The following LARS1 variants were observed in gnomAD, a reference collection of about 807,000 sequenced individuals.
The protein encoded by LARS1 is leucyl-tRNA synthetase 1, also known as leucine--tRNA ligase, cytoplasmic.
In LARS1, 100 loss-of-function variants were observed where a neutral mutation model predicts 162.8. That is an observed-to-expected ratio of 0.61 (90% CI 0.52 to 0.73). LARS1 has a LOEUF of 0.73. Among genes scored for constraint, LARS1 ranks in the 30% least tolerant of loss-of-function variants. The pLI is 0.00. For missense variants in LARS1, 1,258 were observed against 1,408.9 expected (o/e 0.89, Z 1.71); for synonymous variants, 457 against 462.8 (o/e 0.99, Z 0.16).
intron 1 of LARS1, among the ~76,000 whole-genome samples, chr5:146,180,416 C>T (rs1305084077): frequency 1.3e-5 from 2 of 151,932 alleles, no homozygotes; most frequent in African/African-American, 4.8e-5. Context: ...CACCTGTAGT[C>T]CCAGCTACAC....
At chr5:146,136,231 TTA>T (rs1752494736) in intron 21 of LARS1, among the ~76,000 whole-genome samples, 1 of 152,240 alleles carries the variant, frequency 6.6e-6, no homozygotes, top group Non-Finnish European at 1.5e-5. Flanking sequence ...GAAATGATGA[TTA>T]TATCAGTTTT....
rs1466128813 is a variant in LARS1, at chr5:146,153,974, G to A, written c.1072C>T (p.Leu358Phe). 1 of 1,598,790 alleles carries A rather than the reference G, an allele frequency of 6.3e-7. No homozygotes were observed. The highest frequency in any genetic ancestry group is 8.5e-7 in the Non-Finnish European group (1 of 1,174,334). ...AAAGGTGCAGAAAGTGATGCACCAA[G>A]AATTTCCTGCATAAGAAAAAAATCA... ...VVKELMGEEI[L>F]GASLSAPLTS... The change falls in exon 11 of 32, where the codon CTT (leucine) becomes TTT (phenylalanine). Residue 358 changes from leucine (L) to phenylalanine (F), a missense_variant. Physicochemically the swap from Leu to Phe is conservative, Grantham distance 22 (BLOSUM62 0). Transcript: ENST00000394434.
intron 29 of LARS1, among the ~76,000 whole-genome samples, 194 bp from the exon 30 acceptor site, chr5:146,122,781 T>C (rs1291567229): frequency 6.6e-6 from 1 of 152,052 alleles, no homozygotes; most frequent in Non-Finnish European, 1.5e-5. Flanking sequence ...AGATGTCTCA[T>C]AGTATTGTTA....
intron 5 of LARS1, among the ~76,000 whole-genome samples, chr5:146,166,695 A>T (rs34404385): frequency 1.3e-5 from 2 of 152,096 alleles, no homozygotes; most frequent in East Asian, 1.9e-4. Context: ...GTAAAAAGAA[A>T]GAGGAAAATG....
intron 31 of LARS1, among the ~76,000 whole-genome samples, chr5:146,116,216 A>G (rs989510294): frequency 2.6e-5 from 4 of 152,224 alleles, no homozygotes; most frequent in Non-Finnish European, 4.4e-5. Context: ...TTGGGGAAGA[A>G]TACAATTAAT....
At chr5:146,124,146 C>A in intron 28 of LARS1, 60 bp from the exon 29 acceptor site, 1 of 996,682 alleles carries the variant, frequency 1.0e-6, no homozygotes, top group Non-Finnish European at 1.6e-6. Context: ...GGAAAACATA[C>A]TTCCTCCAAA....
At chr5:146,151,694 A>G (rs1753297864) in intron 14 of LARS1, among the ~76,000 whole-genome samples, 168 bp downstream of exon 14, 1 of 152,250 alleles carries the variant, frequency 6.6e-6, no homozygotes, top group Non-Finnish European at 1.5e-5. Context: ...GGCAAAGGAC[A>G]TGATAAAAAC....
At chr5:146,146,109 A>G (rs931582664) in intron 15 of LARS1, among the ~76,000 whole-genome samples, 3 of 152,198 alleles carry the variant, frequency 2.0e-5, no homozygotes, top group Non-Finnish European at 4.4e-5. Context: ...TCACGCCTGT[A>G]AACCCAACAC....
chr5:146,150,580 T>C (rs181722693), intron 14 of LARS1, among the ~76,000 whole-genome samples: 16 of 144,664 alleles, frequency 1.1e-4, no homozygotes, highest in African/African-American at 4.0e-4. Flanking sequence ...TGAGCCAAGA[T>C]TGAGCCACTC....
intron 15 of LARS1, among the ~76,000 whole-genome samples, chr5:146,149,236 T>C (rs1055893128): frequency 6.6e-6 from 1 of 152,014 alleles, no homozygotes; most frequent in Non-Finnish European, 1.5e-5. Flanking sequence ...GTATACAAAG[T>C]TGTCAAAAAT....
chr5:146,142,526 C>T (rs2939522), intron 20 of LARS1, among the ~76,000 whole-genome samples: 146,952 of 152,240 alleles, frequency 0.97, 71,151 homozygotes, highest in East Asian at 1. Flanking sequence ...AGAATGTTAC[C>T]ACAACTAATG....
At position 146,164,309 on chromosome 5, in the gene LARS1, C is replaced by T; in HGVS notation, c.594+1G>A. The T allele has an allele frequency of 6.2e-7, 1 of 1,613,348 alleles. No individual in the cohort carries two copies. Among genetic ancestry groups the T allele is most frequent in the Non-Finnish European group, 8.5e-7 (1 of 1,179,366 alleles). ...TCCTCATATTTCCTTTATAGACATA[C>T]CTTCAAACCCATTCTTTTTAAATCC... On this transcript the variant is annotated splice_donor_variant, in intron 6 of 31. Transcript: ENST00000394434. LOFTEE classifies it high-confidence loss of function.
intron 27 of LARS1, among the ~76,000 whole-genome samples, chr5:146,127,851 T>C (rs1240567367): frequency 6.6e-6 from 1 of 152,162 alleles, no homozygotes; most frequent in African/African-American, 2.4e-5. Context: ...TCTTAGCATT[T>C]CTTAATTAAC....
intron 13 of LARS1, 40 bp downstream of exon 13, chr5:146,153,134 A>G: frequency 6.9e-7 from 1 of 1,452,104 alleles, no homozygotes; most frequent in Non-Finnish European, 9.6e-7. Flanking sequence ...TCTCTGATAA[A>G]GAGATGGATG....
At chr5:146,166,004 A>C (rs778945957) in intron 5 of LARS1, among the ~76,000 whole-genome samples, 1 of 152,232 alleles carries the variant, frequency 6.6e-6, no homozygotes, top group Admixed American at 6.5e-5. Flanking sequence ...TCAAATACAT[A>C]AAGAAATAAA....
At chr5:146,150,863 C>T (rs1048001612) in intron 14 of LARS1, among the ~76,000 whole-genome samples, 9 of 151,156 alleles carry the variant, frequency 6.0e-5, no homozygotes, top group South Asian at 4.2e-4. Flanking sequence ...CGCTTGAACC[C>T]GGAAGTTGGA....
At chr5:146,128,555 G>A (rs764798311) in intron 27 of LARS1, 117 bp downstream of exon 27, 41 of 554,914 alleles carry the variant, frequency 7.4e-5, no homozygotes, top group Non-Finnish European at 1.2e-4. Flanking sequence ...TGCCTAGAGG[G>A]AATGAAACAA....
intron 18 of LARS1, 78 bp from the exon 19 acceptor site, chr5:146,143,628 A>C: frequency 7.6e-7 from 1 of 1,307,488 alleles, no homozygotes; most frequent in Non-Finnish European, 1.1e-6. Context: ...GAAGGGGGCT[A>C]TAACATTTAC....
At chr5:146,168,295 C>A in intron 4 of LARS1, 30 bp from the exon 5 acceptor site, 1 of 1,572,278 alleles carries the variant, frequency 6.4e-7, no homozygotes, top group South Asian at 1.2e-5. Flanking sequence ...TAATGAAGTT[C>A]AAAATCAAGG....
Sources: allele counts gnomAD v4.1 joint callset (sites outside exome capture counted in the v4.1 genomes callset), GRCh38; gene constraint gnomAD v4.1.1; transcripts MANE v1.5; gene names NCBI Gene and HGNC (gene_info 2026-07-23, HGNC 2026-07-21).